DENND11: variants seen among roughly 807,000 people sequenced by gnomAD.
DENND11 encodes DENN domain containing 11.
In DENND11, 34 loss-of-function variants were observed where a neutral mutation model predicts 49.2. The observed-to-expected ratio is 0.69, with a 90% CI of 0.53 to 0.92. The LOEUF is 0.92. Ranked by LOEUF, DENND11 falls within the 40% of genes least tolerant of loss-of-function variation. DENND11 has a pLI of 0.00. For synonymous variants in DENND11, 238 were observed against 230.3 expected (o/e 1.03, Z -0.30); for missense variants, 475 against 581.6 (o/e 0.82, Z 1.88).
intron 1 of DENND11, among the ~76,000 whole-genome samples, chr7:141,699,648 G>A (rs142401778): frequency 2.9e-4 from 44 of 152,240 alleles, no homozygotes; most frequent in East Asian, 2.5e-3. Context: ...TAAGGATCAG[G>A]TGCCAGGGAG....
At position 141,698,945 on chromosome 7, in the gene DENND11, G is replaced by A. The variant is rs748674518; in HGVS notation, c.268+2941C>T. On this transcript the variant is annotated intron_variant, in intron 1 of 8. Coordinates refer to ENST00000536163, the MANE Select transcript of DENND11 (RefSeq NM_001080392.2). ...CTGGGCAGTAAGTGATGGGGGTGGCGGAGGGTTGAGGTGGGTGTGGGGTGG... is the reference window on the plus strand; with the variant it reads ...CTGGGCAGTAAGTGATGGGGGTGGCAGAGGGTTGAGGTGGGTGTGGGGTGG... 5.1e-4 allele frequency among the ~76,000 whole-genome samples: 78 copies of A among 152,090 alleles called. 1 individual carries two copies. The highest frequency in any genetic ancestry group is 3.4e-3 in the Middle Eastern group (1 of 292).
intron 3 of DENND11, among the ~76,000 whole-genome samples, chr7:141,685,059 T>TATATA (rs56243093): frequency 7.0e-6 from 1 of 142,840 alleles, no homozygotes; most frequent in Non-Finnish European, 1.5e-5. Context: ...TATATATATA[T>TATATA]TTTTAAGTTC....
chr7:141,662,513 T>G lies in DENND11; in HGVS notation c.*143A>C. 1.9e-6 allele frequency: 1 copy of G among 519,272 alleles called. No individual in the cohort carries two copies. The highest frequency in any genetic ancestry group is 4.9e-5 in the South Asian group (1 of 20,342). 32.2% of individuals were successfully genotyped at this position (519,272 alleles called of 1,614,324 possible). On this transcript the variant is annotated 3_prime_UTR_variant, in exon 9 of 9. Coordinates refer to ENST00000536163, the MANE Select transcript of DENND11 (RefSeq NM_001080392.2). ...TCTAGGGAAAAGGGCAGAAAGGAAA[T>G]TGCAAAAATTATGTTTGTTGGAAAG...
intron 1 of DENND11, among the ~76,000 whole-genome samples, chr7:141,696,329 T>C (rs1206979794): frequency 6.6e-6 from 1 of 152,238 alleles, no homozygotes; most frequent in Admixed American, 6.5e-5. Flanking sequence ...AATTCATCAC[T>C]ATTTCCTAGG....
At chr7:141,682,177 C>T (rs189141137) in intron 3 of DENND11, among the ~76,000 whole-genome samples, 7 of 152,234 alleles carry the variant, frequency 4.6e-5, no homozygotes, top group Admixed American at 3.3e-4. Flanking sequence ...AGGACTACTG[C>T]GCACTACAGA....
Position 141,665,253 on chromosome 7 carries a change from T to C in DENND11, c.886A>G (p.Lys296Glu), listed in dbSNP as rs1459032126. ...PGIGGTIPES[K>E]PFFYVNVADI... Reference sequence around the variant, plus strand: ...GCCACGTTCACGTAGAAGAAAGGTTTGGACTCAGGAATGGTGCCCCCGATG... The same window carrying C: ...GCCACGTTCACGTAGAAGAAAGGTTCGGACTCAGGAATGGTGCCCCCGATG... Residue 296 changes from lysine to glutamate, a missense_variant, in exon 6 of 9, where the codon AAA becomes GAA. Coordinates refer to ENST00000536163, the MANE Select transcript of DENND11 (RefSeq NM_001080392.2). 2.5e-6 allele frequency: 4 copies of C among 1,613,662 alleles called. No individual in the cohort carries two copies. In the East Asian group the frequency reaches 8.9e-5, roughly 36 times the overall value.
chr7:141,674,120 G>T lies in DENND11; in HGVS notation c.628C>A (p.Pro210Thr), dbSNP rs759658805. ...HAGPGRGSSLPPVYWLPSIHR... is the reference protein window; with the variant it reads ...HAGPGRGSSLTPVYWLPSIHR... ...ATGGAAGGCAGCCAGTAGACAGGGG[G>T]CAGGCTGCTGCCTCTGCCGGGACCA... The change falls in exon 4 of 9, where the codon CCC (proline) becomes ACC (threonine). Residue 210 changes from proline to threonine, a missense_variant. By Grantham distance (38) the Pro-to-Thr change is conservative. Transcript: ENST00000536163. 3 of 1,598,906 alleles carry T rather than the reference G, an allele frequency of 1.9e-6. No individual in the cohort carries two copies. The highest frequency in any genetic ancestry group is 2.6e-6 in the Non-Finnish European group (3 of 1,172,912).
chr7:141,684,096 T>G (rs1226107627), intron 3 of DENND11, among the ~76,000 whole-genome samples: 2 of 152,200 alleles, frequency 1.3e-5, no homozygotes, highest in East Asian at 3.9e-4. Flanking sequence ...CCTGGCTAAT[T>G]TTTTTGTTTT....
intron 1 of DENND11, among the ~76,000 whole-genome samples, chr7:141,693,739 C>T (rs1798364763): frequency 1.3e-5 from 2 of 152,146 alleles, no homozygotes; most frequent in African/African-American, 4.8e-5. Context: ...AGAAGCCAGC[C>T]TGAAAAGGCT....
chr7:141,667,704 G>A (rs1797916658), intron 4 of DENND11, among the ~76,000 whole-genome samples: 1 of 152,114 alleles, frequency 6.6e-6, no homozygotes, highest in South Asian at 2.1e-4. Flanking sequence ...GCCTTCAGAG[G>A]CACCTATACC....
intron 4 of DENND11, among the ~76,000 whole-genome samples, chr7:141,669,244 G>GTTTTTTT (rs36043478): frequency 7.5e-6 from 1 of 133,790 alleles, no homozygotes; most frequent in African/African-American, 2.7e-5. Flanking sequence ...CTTCTTTAAA[G>GTTTTTTT]TTTTTTTTTT....
At chr7:141,673,402 C>T (rs994974527) in intron 4 of DENND11, among the ~76,000 whole-genome samples, 1 of 152,210 alleles carries the variant, frequency 6.6e-6, no homozygotes, top group African/African-American at 2.4e-5. Context: ...CTGGAATCAG[C>T]ATTCCTCACT....
At chr7:141,662,911 T>G in intron 8 of DENND11, 60 bp from the exon 9 acceptor site, 1 of 1,307,806 alleles carries the variant, frequency 7.6e-7, no homozygotes, top group South Asian at 1.6e-5. Flanking sequence ...GCTCACCAGA[T>G]AATCCACATA....
chr7:141,674,624 G>A (rs986424492), intron 3 of DENND11, among the ~76,000 whole-genome samples: 13 of 152,302 alleles, frequency 8.5e-5, no homozygotes, highest in Admixed American at 2.6e-4. Flanking sequence ...GCTTAAAGCC[G>A]CTCTTTGTTT....
At chr7:141,678,151 G>T (rs1013490793) in intron 3 of DENND11, among the ~76,000 whole-genome samples, 1 of 152,010 alleles carries the variant, frequency 6.6e-6, no homozygotes, top group Non-Finnish European at 1.5e-5. Flanking sequence ...TAGTAGAGAC[G>T]GGGTTTCACC....
chr7:141,685,733 A>G (rs535724107), intron 2 of DENND11, 97 bp from the exon 3 acceptor site: 3 of 1,325,000 alleles, frequency 2.3e-6, no homozygotes, highest in African/African-American at 1.4e-5. Context: ...GGGGCTGTCA[A>G]TGACAAAGCT....
rs976159066 is a variant in DENND11 at position 141,658,453 on chromosome 7, G to A, written c.*4203C>T. 1.3e-5 allele frequency: 2 copies of A among 152,150 alleles called. No individual in the cohort carries two copies. Among genetic ancestry groups the A allele is most frequent in the African/African-American group, 4.8e-5 (2 of 41,404 alleles). The allele number at this position is 152,150 out of a possible 1,614,324, so 9.4% of individuals were successfully genotyped here. On this transcript the variant is annotated 3_prime_UTR_variant, in exon 9 of 9. Coordinates refer to ENST00000536163, the MANE Select transcript of DENND11 (RefSeq NM_001080392.2). ...CTGGGGTCAGCAGGATTCTCACCTC[G>A]GTCTAACTACAAGGTACGGGGAGAA...
intron 1 of DENND11, among the ~76,000 whole-genome samples, chr7:141,691,845 G>A: frequency 6.6e-6 from 1 of 152,104 alleles, no homozygotes; most frequent in African/African-American, 2.4e-5. Context: ...TACAAGGTGA[G>A]AATTTTCCTT....
At chr7:141,686,414 T>C (rs558495490) in intron 2 of DENND11, 145 bp downstream of exon 2, 428 of 616,156 alleles carry the variant, frequency 6.9e-4, no homozygotes, top group Admixed American at 1.1e-3. Context: ...ACTAGAAAAA[T>C]GATGTAAACA....
Sources: allele counts gnomAD v4.1 joint callset (sites outside exome capture counted in the v4.1 genomes callset), GRCh38; gene constraint gnomAD v4.1.1; transcripts MANE v1.5; gene names NCBI Gene and HGNC (gene_info 2026-07-23, HGNC 2026-07-21).